SLC9A3: variants seen among roughly 807,000 people sequenced by gnomAD.
SLC9A3 encodes sodium/hydrogen exchanger 3.
SLC9A3 carries 37 observed loss-of-function variants against 86.8 expected under a neutral mutation model. That is an observed-to-expected ratio of 0.43 (90% CI 0.33 to 0.56). The LOEUF (loss-of-function observed/expected upper bound fraction) is 0.56. Among genes scored for constraint, SLC9A3 ranks in the 20% least tolerant of loss-of-function variants. The pLI, the probability that SLC9A3 is intolerant of heterozygous loss-of-function variation, is 0.06. For missense variants in SLC9A3, 1,011 were observed against 1,171.9 expected (o/e 0.86, Z 2.00); for synonymous variants, 581 against 528.3 (o/e 1.10, Z -1.37).
intron 1 of SLC9A3, among the ~76,000 whole-genome samples, chr5:506,738 C>T (rs72702739): frequency 0.09 from 13,640 of 152,166 alleles, 690 homozygotes; most frequent in African/African-American, 0.12. Flanking sequence ...CCAAGGAAAA[C>T]GAAGGATAAA....
At chr5:487,955 A>G (rs1739547560) in intron 3 of SLC9A3, among the ~76,000 whole-genome samples, 2 of 152,228 alleles carry the variant, frequency 1.3e-5, no homozygotes, top group Admixed American at 1.3e-4. Flanking sequence ...GGCGTGAGCC[A>G]CCGCACCCGG....
Position 479,971 on chromosome 5 carries a change from G to A in SLC9A3, c.1518-6C>T. 7 of 1,612,772 alleles carry A rather than the reference G, an allele frequency of 4.3e-6. No homozygotes were observed. The highest frequency in any genetic ancestry group is 5.1e-6 in the Non-Finnish European group (6 of 1,179,188). On this transcript the variant is annotated splice_region_variant and splice_polypyrimidine_tract_variant and intron_variant, in intron 9 of 16. Transcript: ENST00000264938. ...TCCTGTCGAAGTGGGACCACCTGTA[G>A]GGACAGACCTTGGGTGTGAGCCTCA...
chr5:512,829 G>A (rs1340329201), intron 1 of SLC9A3, among the ~76,000 whole-genome samples: 5 of 152,164 alleles, frequency 3.3e-5, no homozygotes, highest in Non-Finnish European at 7.3e-5. Context: ...AGCCCAGGCT[G>A]CGGCACCCCT....
At position 497,060 on chromosome 5, in the gene SLC9A3, AT is replaced by A. The variant is rs932252042; in HGVS notation, c.212-4990del. 2.0e-5 allele frequency among the ~76,000 whole-genome samples: 3 copies of A among 150,976 alleles called. No individual in the cohort carries two copies. Among genetic ancestry groups the A allele is most frequent in the Admixed American group, 6.6e-5 (1 of 15,152 alleles). On this transcript the variant is annotated intron_variant, in intron 1 of 16. Transcript: ENST00000264938. The surrounding 1 kb of genome is among the most constrained non-coding windows in gnomAD (Gnocchi z 5.4). ...ACGGAGGCCTTGTCTCAAAAAAAAA[AT>A]TTTTTTTTTACTTGAATTTAACAGA...
At position 476,272 on chromosome 5, in the gene SLC9A3, G is replaced by A; in HGVS notation, c.1997C>T (p.Ser666Leu). The A allele has an allele frequency of 6.2e-7, 1 of 1,613,968 alleles. No individual in the cohort carries two copies. The highest frequency in any genetic ancestry group is 8.5e-7 in the Non-Finnish European group (1 of 1,180,012). ...GTTCTGGTTGAGCCCCAGCTTGGTC[G>A]ACTTGAAGGACTCCAGGCGCTTCCG... ...TMRKRLESFK[S>L]TKLGLNQNKK... The change falls in exon 13 of 17, where the codon TCG becomes TTG. Residue 666 changes from serine to leucine, a missense_variant. Ser to Leu is a moderately radical substitution (Grantham distance 145). This residue lies in a region of SLC9A3 where 397 missense variants were observed against 346.3 expected (regional missense o/e 1.15). Transcript: ENST00000264938.
chr5:510,522 G>GA (rs1222739787), intron 1 of SLC9A3, among the ~76,000 whole-genome samples: 1 of 152,192 alleles, frequency 6.6e-6, no homozygotes, highest in Non-Finnish European at 1.5e-5. Flanking sequence ...GTGAACCCTA[G>GA]AACTACTTGA....
At position 479,740 on chromosome 5, in the gene SLC9A3, C is replaced by T. The variant is rs939040183; in HGVS notation, c.1647+96G>A. The T allele has an allele frequency of 3.2e-5, 42 of 1,329,866 alleles. 1 individual carries two copies. Among genetic ancestry groups the T allele is most frequent in the African/African-American group, 2.3e-4 (14 of 59,990 alleles). 82.4% of individuals were successfully genotyped at this position (1,329,866 alleles called of 1,614,324 possible). On this transcript the variant is annotated intron_variant, in intron 10 of 16. Coordinates refer to ENST00000264938, the MANE Select transcript of SLC9A3 (RefSeq NM_004174.4). ...CTGGGGTGGGCCTGGCCTTGGGACG[C>T]GGGTGCAGGGGCCTCTCCTCACTGC...
At chr5:510,004 C>G (rs114015314) in intron 1 of SLC9A3, among the ~76,000 whole-genome samples, 1 of 152,158 alleles carries the variant, frequency 6.6e-6, no homozygotes, top group Admixed American at 6.5e-5. Context: ...GGGGAGGCTT[C>G]GGGAGAAGAG....
At position 476,415 on chromosome 5, in the gene SLC9A3, C is replaced by G. The variant is rs2244240; in HGVS notation, c.1891-37G>C. 1,376,455 of 1,611,126 alleles carry G rather than the reference C, an allele frequency of 0.85. 592,729 individuals are homozygous for G. Among genetic ancestry groups the G allele is most frequent in the Non-Finnish European group, 0.88 (1,036,306 of 1,178,956 alleles). On this transcript the variant is annotated intron_variant, in intron 12 of 16. Coordinates refer to ENST00000264938, the MANE Select transcript of SLC9A3 (RefSeq NM_004174.4). ...GGCACGGAGGTCACAGCTGTGCCCA[C>G]CGCCGGACATTCTCGCCCTCCTGCC...
chr5:507,031 T>C (rs1291885790), intron 1 of SLC9A3, among the ~76,000 whole-genome samples: 2 of 150,352 alleles, frequency 1.3e-5, no homozygotes, highest in African/African-American at 2.5e-5. Context: ...AGATCGAGAT[T>C]GGGCCACTGC....
rs1193073576 is a variant in SLC9A3 at position 479,856 on chromosome 5, C to T, written c.1627G>A (p.Ala543Thr). 1 of 1,613,718 alleles carries T rather than the reference C, an allele frequency of 6.2e-7. No individual in the cohort carries two copies. The highest frequency in any genetic ancestry group is 1.3e-5 in the African/African-American group (1 of 75,074). ...NVFHELNLKD[A>T]ISYVAEGERR... is the part of the protein sequence containing the mutation. Reference sequence around the variant, plus strand: ...GCTACCTCAGCCACGTAGCTGATGGCATCCTTCAGGTTCAGCTCGTGGAAG... The same window carrying T: ...GCTACCTCAGCCACGTAGCTGATGGTATCCTTCAGGTTCAGCTCGTGGAAG... Residue 543 changes from alanine (A) to threonine (T), a missense_variant, in exon 10 of 17, where the codon GCC (alanine) becomes ACC (threonine). Around this residue, in one of 3 missense-constraint regions of SLC9A3, gnomAD observed 565 missense variants for 790.0 expected, o/e 0.72. Coordinates refer to ENST00000264938, the MANE Select transcript of SLC9A3 (RefSeq NM_004174.4).
At chr5:514,220 G>A (rs1397268652) in intron 1 of SLC9A3, among the ~76,000 whole-genome samples, 1 of 152,266 alleles carries the variant, frequency 6.6e-6, no homozygotes, top group Non-Finnish European at 1.5e-5. Context: ...TCACATGGGC[G>A]AGCCCTCGGG....
At position 481,594 on chromosome 5, in the gene SLC9A3, T is replaced by G. The variant is rs1739169445; in HGVS notation, c.1488A>C (p.Gly496=). The G allele has an allele frequency of 1.2e-6, 2 of 1,613,922 alleles. No individual in the cohort carries two copies. Among genetic ancestry groups the G allele is most frequent in the Non-Finnish European group, 1.7e-6 (2 of 1,179,950 alleles). The change falls in exon 9 of 17, where the codon GGA becomes GGC. Residue 496 remains glycine, a synonymous_variant. Coordinates refer to ENST00000264938, the MANE Select transcript of SLC9A3 (RefSeq NM_004174.4). The part of the protein sequence containing the change: ...HILSAIEDIS[G]QIGHNYLRDK... ...CTCTGAGATAATTGTGCCCGATCTG[T>G]CCGGATATGTCCTCGATGGCCGAGA...
At chr5:495,211 TA>T (rs1739968348) in intron 1 of SLC9A3, among the ~76,000 whole-genome samples, 2 of 152,096 alleles carry the variant, frequency 1.3e-5, no homozygotes, top group South Asian at 4.1e-4. Context: ...TGTTGAGGGT[TA>T]GGGTCTTTCA....
In SLC9A3 at chr5:497,796, C is replaced by CTCCGACAACT. The variant is rs1560965066; in HGVS notation, c.212-5726_212-5725insAGTTGTCGGA. Among the ~76,000 whole-genome samples, 4 of 52,524 alleles carry CTCCGACAACT rather than the reference C, an allele frequency of 7.6e-5. No homozygotes were observed. Among genetic ancestry groups the CTCCGACAACT allele is most frequent in the African/African-American group, 1.4e-4 (2 of 14,394 alleles). The allele number at this position is 52,524 out of a possible 152,430, so 34.5% of individuals were successfully genotyped here. ...CCCGGCCGCATCCCCAGCCTCTGCC[C>CTCCGACAACT]CTGTCCCGGGTGGGGTCGCCCGGCC... On this transcript the variant is annotated intron_variant, in intron 1 of 16. Coordinates refer to ENST00000264938, the MANE Select transcript of SLC9A3 (RefSeq NM_004174.4). The surrounding 1 kb of genome is among the most constrained non-coding windows in gnomAD (Gnocchi z 5.4).
At chr5:475,484 G>T in intron 15 of SLC9A3, 77 bp downstream of exon 15, 1 of 876,392 alleles carries the variant, frequency 1.1e-6, no homozygotes, top group Non-Finnish European at 1.8e-6. Context: ...AGTGCCCCTG[G>T]TCCAATGACC....
chr5:488,575 G>T, intron 2 of SLC9A3, 99 bp from the exon 3 acceptor site: 1 of 1,261,812 alleles, frequency 7.9e-7, no homozygotes, highest in South Asian at 1.6e-5. Context: ...TTCGGAGCCC[G>T]TCTGGCTGGC....
intron 1 of SLC9A3, among the ~76,000 whole-genome samples, chr5:508,160 G>A (rs1560971920): frequency 1.3e-5 from 2 of 152,244 alleles, no homozygotes; most frequent in Admixed American, 6.5e-5. Context: ...AGCCCAGAGC[G>A]CGCCCGGGAT....
intron 1 of SLC9A3, among the ~76,000 whole-genome samples, chr5:499,195 G>A (rs953649049): frequency 1.3e-5 from 2 of 152,256 alleles, no homozygotes; most frequent in Non-Finnish European, 2.9e-5. Flanking sequence ...AGTCTGCATT[G>A]TAATTAGCTG....
Sources: gnomAD v4.1 joint callset for allele counts (sites outside exome capture counted in the v4.1 genomes callset) on GRCh38, gnomAD v4.1.1 for gene constraint, gnomAD v4.1.1 regional missense constraint, Gnocchi (gnomAD v3.1) non-coding constraint, MANE v1.5 for transcripts, NCBI Gene and HGNC (gene_info 2026-07-23, HGNC 2026-07-21) for gene names.